The following DPP6 variants were observed in gnomAD, a reference collection of about 807,000 sequenced individuals.
DPP6 encodes the protein A-type potassium channel modulatory protein DPP6.
In DPP6, 69 loss-of-function variants were observed where a neutral mutation model predicts 122.6. The ratio of observed to expected loss-of-function variants is 0.56; its 90% CI spans 0.46 to 0.69. DPP6 has a LOEUF of 0.69. DPP6 is among the 30% of genes least tolerant of loss of function. DPP6 has a pLI of 0.00. For missense variants in DPP6, 928 were observed against 1,116.9 expected (o/e 0.83, Z 2.41); for synonymous variants, 418 against 433.1 (o/e 0.97, Z 0.43).
chr7:153,900,864 T>C (rs1318609287), intron 1 of DPP6, among the ~76,000 whole-genome samples: 2 of 152,214 alleles, frequency 1.3e-5, no homozygotes, highest in Non-Finnish European at 2.9e-5. Context: ...CCCAAAATAA[T>C]TTAACTTTCT....
intron 1 of DPP6, among the ~76,000 whole-genome samples, chr7:154,380,748 T>G (rs1167216927): frequency 6.6e-6 from 1 of 152,176 alleles, no homozygotes; most frequent in Non-Finnish European, 1.5e-5. Flanking sequence ...TCCCTCATGG[T>G]CAGAAGAGGG....
rs141407811 is a variant in DPP6, at chr7:153,890,493, A to C, written c.51+2759A>C. ...TCCCGGCTGGTCCTTGCCATGCCAC[A>C]TTGCTTAGTTGAAAGTATGTTCTTA... is the stretch of plus-strand genomic sequence containing the variant. On this transcript the variant is annotated intron_variant, in intron 1 of 25. Coordinates refer to the DPP6 transcript ENST00000404039. Among the ~76,000 whole-genome samples the C allele has an allele frequency of 8.7e-3, 1,332 of 152,248 alleles. 23 individuals carry two copies. The highest frequency in any genetic ancestry group is 0.03 in the African/African-American group (1,265 of 41,544).
intron 1 of DPP6, among the ~76,000 whole-genome samples, chr7:154,199,269 G>A (rs927182120): frequency 2.6e-5 from 4 of 152,148 alleles, no homozygotes; most frequent in African/African-American, 7.2e-5. Flanking sequence ...TATCCTAAGC[G>A]TCCCTGCTCC....
chr7:154,678,264 T>C (rs1415439159), intron 7 of DPP6, among the ~76,000 whole-genome samples: 7 of 152,200 alleles, frequency 4.6e-5, no homozygotes, highest in Admixed American at 4.6e-4. Context: ...TCGGGTTCCC[T>C]TCCACGTGGA....
chr7:154,066,759 G>C lies in DPP6; in HGVS notation c.243+13696G>C, dbSNP rs140903360. 7.9e-5 allele frequency among the ~76,000 whole-genome samples: 12 copies of C among 152,010 alleles called. No homozygotes were observed. The South Asian group carries it at 1.5e-3, about 18-fold the overall frequency. On this transcript the variant is annotated intron_variant, in intron 1 of 25. Coordinates refer to ENST00000377770, the MANE Select transcript of DPP6 (RefSeq NM_130797.4). ...ATTCATCTATGACAAACTTTTACTC[G>C]ATACCAACCATGGCCTGATGCAAGG...
chr7:154,092,430 C>A (rs1804922294), intron 1 of DPP6: 1 of 151,400 alleles, frequency 6.6e-6, no homozygotes, highest in South Asian at 2.1e-4. Context: ...TGTGTAGTTG[C>A]TCTGTCTCCT....
At chr7:154,491,776 C>T (rs1319006566) in intron 3 of DPP6, among the ~76,000 whole-genome samples, 10 of 152,184 alleles carry the variant, frequency 6.6e-5, no homozygotes, top group African/African-American at 1.7e-4. Context: ...CCCCAGCATA[C>T]GAAGGAGGAT....
intron 1 of DPP6, among the ~76,000 whole-genome samples, chr7:154,137,003 G>T (rs1795589118): frequency 6.6e-6 from 1 of 152,210 alleles, no homozygotes; most frequent in Non-Finnish European, 1.5e-5. Context: ...TCTTACCACA[G>T]TGTATGTCTG....
At chr7:153,848,547 G>A in the DPP6 span, among the ~76,000 whole-genome samples, 62 of 152,082 alleles carry the variant, frequency 4.1e-4, no homozygotes, top group Admixed American at 4.1e-3. Flanking sequence ...ATAAATATGG[G>A]TCTAACTTAG....
chr7:154,315,872 T>G (rs1388764489), intron 1 of DPP6, among the ~76,000 whole-genome samples: 1 of 152,206 alleles, frequency 6.6e-6, no homozygotes, highest in Non-Finnish European at 1.5e-5. Context: ...ACCTCAAGAC[T>G]TTAATATGGT....
At chr7:154,478,334 G>A (rs953584417) in intron 3 of DPP6, among the ~76,000 whole-genome samples, 6 of 152,076 alleles carry the variant, frequency 3.9e-5, no homozygotes, top group Non-Finnish European at 7.4e-5. Context: ...CAAAAGCGGT[G>A]AGCGATTTGT....
Position 154,322,999 on chromosome 7 carries a change from C to A in DPP6, c.244-123215C>A, listed in dbSNP as rs1585936414. On this transcript the variant is annotated intron_variant, in intron 1 of 25. Transcript: ENST00000377770. Reference sequence around the variant, plus strand: ...GATGGTATTACTCCAGTCAGACCTTCTGTTTTATAGTGTGTTCCAGAAGCT... The same window carrying A: ...GATGGTATTACTCCAGTCAGACCTTATGTTTTATAGTGTGTTCCAGAAGCT... Among the ~76,000 whole-genome samples, 7 of 152,040 alleles carry A rather than the reference C, an allele frequency of 4.6e-5. No individual in the cohort carries two copies. In the South Asian group the frequency reaches 1.5e-3, roughly 32 times the overall value.
chr7:154,207,755 A>G lies in DPP6; in HGVS notation c.243+154692A>G, dbSNP rs143537154. Among the ~76,000 whole-genome samples, 207 of 152,364 alleles carry G rather than the reference A, an allele frequency of 1.4e-3. 1 individual carries two copies. Among genetic ancestry groups the G allele is most frequent in the African/African-American group, 4.7e-3 (194 of 41,590 alleles). ...TTTTATAAATGAAGAAGCAGAACCC[A>G]GAGAATCTTTTTTTGGAAAGGGAAT... On this transcript the variant is annotated intron_variant, in intron 1 of 25. Transcript: ENST00000377770.
chr7:154,747,857 G>A (rs935971053), intron 8 of DPP6, among the ~76,000 whole-genome samples: 3 of 152,122 alleles, frequency 2.0e-5, no homozygotes, highest in Non-Finnish European at 2.9e-5. Context: ...AGCAAAGTGC[G>A]TCACAAATGA....
chr7:153,766,220 AT>A, the DPP6 span, among the ~76,000 whole-genome samples: 2 of 152,210 alleles, frequency 1.3e-5, no homozygotes, highest in Non-Finnish European at 2.9e-5. Context: ...TTTTGGTGCC[AT>A]TCATTTGGAA....
the DPP6 span, among the ~76,000 whole-genome samples, chr7:153,814,128 G>T: frequency 7.2e-5 from 11 of 151,942 alleles, no homozygotes; most frequent in African/African-American, 2.7e-4. Flanking sequence ...AATGCCTAGG[G>T]TTTCTTCTAG....
intron 1 of DPP6, among the ~76,000 whole-genome samples, chr7:154,298,931 C>T (rs922048996): frequency 2.6e-5 from 4 of 152,222 alleles, no homozygotes; most frequent in African/African-American, 4.8e-5. Flanking sequence ...GCGAGACCCT[C>T]GGCCTCCCTG....
At chr7:154,023,317 T>TGCACGCGC (rs3059905) in intron 1 of DPP6, among the ~76,000 whole-genome samples, 2,113 of 40,952 alleles carry the variant, frequency 0.052, 68 homozygotes, top group African/African-American at 0.24. Flanking sequence ...GTTTCTTGTC[T>TGCACGCGC]GCACACACAC....
chr7:154,269,447 G>C (rs1803649825), intron 1 of DPP6, among the ~76,000 whole-genome samples: 1 of 152,120 alleles, frequency 6.6e-6, no homozygotes, highest in South Asian at 2.1e-4. Flanking sequence ...GGTTCCCCTT[G>C]TCCTGCCCTT....
Sources: allele counts gnomAD v4.1 joint callset (sites outside exome capture counted in the v4.1 genomes callset), GRCh38; gene constraint gnomAD v4.1.1; transcripts MANE v1.5; gene names NCBI Gene and HGNC (gene_info 2026-07-23, HGNC 2026-07-21).